The following NBAS variants were observed in gnomAD, a reference collection of about 807,000 sequenced individuals.
NBAS encodes NBAS subunit of NRZ tethering complex.
NBAS carries 219 observed loss-of-function variants against 302.5 expected under a neutral mutation model. The ratio of observed to expected loss-of-function variants is 0.72; its 90% CI spans 0.65 to 0.81. NBAS has a LOEUF of 0.81. NBAS is among the 30% of genes least tolerant of loss of function. The pLI is 0.00. For synonymous variants in NBAS, 1,118 were observed against 1,021.6 expected (o/e 1.09, Z -1.80); for missense variants, 2,932 against 2,841.6 (o/e 1.03, Z -0.72).
chr2:15,236,646 T>A (rs1012479088), intron 45 of NBAS, among the ~76,000 whole-genome samples: 1 of 151,348 alleles, frequency 6.6e-6, no homozygotes, highest in Non-Finnish European at 1.5e-5. Flanking sequence ...TAATTTTAGA[T>A]GTGTTTATTT....
intron 10 of NBAS, among the ~76,000 whole-genome samples, chr2:15,510,616 C>T (rs2148647237): frequency 6.6e-6 from 1 of 152,290 alleles, no homozygotes; most frequent in East Asian, 1.9e-4. Context: ...TAGAACCTAG[C>T]CTATGCTGAC....
chr2:15,347,589 A>G (rs1367682590), intron 35 of NBAS, among the ~76,000 whole-genome samples: 1 of 152,248 alleles, frequency 6.6e-6, no homozygotes, highest in Non-Finnish European at 1.5e-5. Context: ...GCCACTTAAA[A>G]TGCTCATAAC....
intron 48 of NBAS, among the ~76,000 whole-genome samples, chr2:15,191,800 T>A (rs1665371971): frequency 6.6e-6 from 1 of 152,148 alleles, no homozygotes; most frequent in South Asian, 2.1e-4. Context: ...ATAAAGAAAC[T>A]TAAAAAACCA....
In NBAS at chr2:15,263,746, T is replaced by C. The variant is rs138859729; in HGVS notation, c.5724+11738A>G. Among the ~76,000 whole-genome samples the C allele has an allele frequency of 8.5e-5, 13 of 152,334 alleles. 1 individual carries two copies. The East Asian group carries it at 2.5e-3, about 29-fold the overall frequency. On this transcript the variant is annotated intron_variant, in intron 44 of 51. Coordinates refer to ENST00000281513, the MANE Select transcript of NBAS (RefSeq NM_015909.4). ...TATACTACGGGGCCTTTCCTGGCTA[T>C]ATCTCCAGCTCCACTGACTCTATTA... is the stretch of plus-strand genomic sequence containing the variant.
chr2:15,275,787 G>A lies in NBAS; in HGVS notation c.5421C>T (p.Asn1807=). Residue 1807 remains asparagine (N), a synonymous_variant, in exon 44 of 52, where the codon AAC becomes AAT. Coordinates refer to ENST00000281513, the MANE Select transcript of NBAS (RefSeq NM_015909.4). ...GCTCCAATGCTTCAAGAGGACTCAT[G>A]TTTTCATCTGTCAGCTTTTTGTAAT... ...GLNYKKLTDE[N]MSPLEALEPV... The A allele has an allele frequency of 6.2e-7, 1 of 1,613,786 alleles. No individual in the cohort carries two copies. The highest frequency in any genetic ancestry group is 8.5e-7 in the Non-Finnish European group (1 of 1,179,998).
the NBAS span, among the ~76,000 whole-genome samples, chr2:14,923,918 A>C: frequency 6.6e-6 from 1 of 152,188 alleles, no homozygotes; most frequent in South Asian, 2.1e-4. Flanking sequence ...CGCTGGAAGC[A>C]GGAGAGATGC....
the NBAS span, among the ~76,000 whole-genome samples, chr2:14,912,940 G>T: frequency 1.3e-5 from 2 of 152,112 alleles, no homozygotes; most frequent in Non-Finnish European, 2.9e-5. Flanking sequence ...CTGCCCGTAT[G>T]AATTTATGTT....
At chr2:15,299,423 A>C (rs553664009) in intron 40 of NBAS, among the ~76,000 whole-genome samples, 3 of 152,192 alleles carry the variant, frequency 2.0e-5, no homozygotes, top group Non-Finnish European at 2.9e-5. Flanking sequence ...AGAGGTAATA[A>C]ATCTATTCTG....
the NBAS span, among the ~76,000 whole-genome samples, chr2:15,031,635 G>A: frequency 6.6e-6 from 1 of 152,156 alleles, no homozygotes; most frequent in East Asian, 1.9e-4. Context: ...CTAGTAAGAG[G>A]GGCTTCGGAA....
the NBAS span, among the ~76,000 whole-genome samples, chr2:14,833,279 G>A: frequency 5.1e-3 from 773 of 152,192 alleles, 5 homozygotes; most frequent in African/African-American, 0.018. Flanking sequence ...AGTCCATACC[G>A]ATACATAATG....
chr2:15,152,119 G>A, the NBAS span, among the ~76,000 whole-genome samples: 12 of 152,098 alleles, frequency 7.9e-5, no homozygotes, highest in Admixed American at 7.9e-4. Flanking sequence ...CAAAGTGCTG[G>A]GATTACAGGC....
chr2:15,105,362 C>T, the NBAS span, among the ~76,000 whole-genome samples: 3 of 151,710 alleles, frequency 2.0e-5, no homozygotes, highest in East Asian at 3.9e-4. Flanking sequence ...ACCTATGTAA[C>T]AAACCTGCAC....
the NBAS span, among the ~76,000 whole-genome samples, chr2:14,877,709 C>A: frequency 2.0e-5 from 3 of 152,086 alleles, no homozygotes; most frequent in African/African-American, 7.2e-5. Flanking sequence ...TAACTAGAGC[C>A]TGACTTGAGT....
At chr2:14,875,250 A>C in the NBAS span, among the ~76,000 whole-genome samples, 1 of 152,222 alleles carries the variant, frequency 6.6e-6, no homozygotes, top group African/African-American at 2.4e-5. Flanking sequence ...AAAAAAAACA[A>C]ACAAAACGCT....
At chr2:15,516,143 A>AG (rs1662381267) in intron 9 of NBAS, among the ~76,000 whole-genome samples, 1 of 152,196 alleles carries the variant, frequency 6.6e-6, no homozygotes, top group Non-Finnish European at 1.5e-5. Flanking sequence ...GAGAGATACT[A>AG]TCTTCTTTGG....
chr2:15,381,602 G>A (rs1210935588), intron 29 of NBAS, among the ~76,000 whole-genome samples: 1 of 152,194 alleles, frequency 6.6e-6, no homozygotes, highest in African/African-American at 2.4e-5. Flanking sequence ...AAACAGGAAT[G>A]TATCAAAATA....
intron 32 of NBAS, among the ~76,000 whole-genome samples, chr2:15,361,458 A>G (rs1367876905): frequency 6.6e-6 from 1 of 152,052 alleles, no homozygotes; most frequent in Non-Finnish European, 1.5e-5. Flanking sequence ...GGTGGCAGTG[A>G]GCTGAGATCG....
At chr2:14,837,377 C>T in the NBAS span, among the ~76,000 whole-genome samples, 1 of 151,834 alleles carries the variant, frequency 6.6e-6, no homozygotes, top group East Asian at 1.9e-4. Flanking sequence ...GGAAGCTGGC[C>T]TTCAATATTT....
At chr2:15,145,486 G>A in the NBAS span, among the ~76,000 whole-genome samples, 1 of 151,260 alleles carries the variant, frequency 6.6e-6, no homozygotes, top group African/African-American at 2.4e-5. Context: ...TTTTATTATG[G>A]TTTAATCTTC....
Sources: gnomAD v4.1 joint callset for allele counts (sites outside exome capture counted in the v4.1 genomes callset) on GRCh38, gnomAD v4.1.1 for gene constraint, MANE v1.5 for transcripts, NCBI Gene and HGNC (gene_info 2026-07-23, HGNC 2026-07-21) for gene names.